The following SHANK1 variants were observed in gnomAD, a reference collection of about 807,000 sequenced individuals.
SHANK1 encodes the protein SH3 and multiple ankyrin repeat domains 1.
In SHANK1, 35 loss-of-function variants were observed where a neutral mutation model predicts 165.6. The ratio of observed to expected loss-of-function variants is 0.21; its 90% CI spans 0.16 to 0.28. The LOEUF (loss-of-function observed/expected upper bound fraction) is 0.28, where lower values mean the gene tolerates loss of function less well. Ranked by LOEUF, SHANK1 falls within the 10% of genes least tolerant of loss-of-function variation. The probability of loss-of-function intolerance (pLI) is 1.00; values close to 1 mark genes in which losing one functional copy is unlikely to be tolerated. For synonymous variants in SHANK1, 1,428 were observed against 1,384.8 expected (o/e 1.03, Z -0.69); for missense variants, 2,681 against 3,036.4 (o/e 0.88, Z 2.75).
Position 50,686,820 on chromosome 19 carries a change from C to G in SHANK1, c.2390-8G>C. 1 of 1,613,530 alleles carries G rather than the reference C, an allele frequency of 6.2e-7. No homozygotes were observed. Among genetic ancestry groups the G allele is most frequent in the Non-Finnish European group, 8.5e-7 (1 of 1,179,682 alleles). On this transcript the variant is annotated splice_region_variant and splice_polypyrimidine_tract_variant and intron_variant, in intron 19 of 23. Transcript: ENST00000293441. This position sits in a 1 kb window ranked among gnomAD's most constrained non-coding sequence, Gnocchi z 5.7. ...CCGGCTGCTGCTCGTACTCTGTGGG[C>G]AAAGAACACGGATGACGCCCAGGGA...
At chr19:50,689,039 G>T in intron 16 of SHANK1, 71 bp from the exon 17 acceptor site, 2 of 1,249,816 alleles carry the variant, frequency 1.6e-6, no homozygotes, top group Non-Finnish European at 2.3e-6. Flanking sequence ...ATGGGGCTCA[G>T]ACCCAAGTCA....
chr19:50,662,480 G>C lies in SHANK1; in HGVS notation c.5971C>G (p.Arg1991Gly), dbSNP rs200577881. 1 of 1,552,660 alleles carries C rather than the reference G, an allele frequency of 6.4e-7. No individual in the cohort carries two copies. Among genetic ancestry groups the C allele is most frequent in the Admixed American group, 1.9e-5 (1 of 51,282 alleles). The change falls in exon 24 of 24, where the codon CGG (arginine) becomes GGG (glycine). Residue 1991 changes from arginine (R) to glycine (G), a missense_variant. By Grantham distance (125) the Arg-to-Gly change is moderately radical. This residue lies in a region of SHANK1 where 1,713 missense variants were observed against 1,630.2 expected (regional missense o/e 1.05). Coordinates refer to ENST00000293441, the MANE Select transcript of SHANK1 (RefSeq NM_016148.5). The surrounding 1 kb of genome is among the most constrained non-coding windows in gnomAD (Gnocchi z 7.7). ...RHLQGVEFEM[R>G]PPLLRRAPSP... is the part of the protein sequence containing the mutation. ...GGGGCCCGGCGGAGCAGAGGGGGCC[G>C]CATCTCGAACTCCACGCCCTGGAGG...
intron 22 of SHANK1, among the ~76,000 whole-genome samples, chr19:50,671,180 C>CTTTTTTTTTTTTTTT: frequency 1.3e-5 from 1 of 76,724 alleles, no homozygotes. Flanking sequence ...TTTTTTCACT[C>CTTTTTTTTTTTTTTT]TTTTTTTTTT....
chr19:50,688,893 C>T lies in SHANK1; in HGVS notation c.2123G>A (p.Gly708Asp), dbSNP rs1381148188. The T allele has an allele frequency of 2.5e-6, 4 of 1,587,540 alleles. No individual in the cohort carries two copies. The highest frequency in any genetic ancestry group is 1.8e-5 in the Admixed American group (1 of 56,516). Residue 708 changes from glycine (G) to aspartate (D), a missense_variant, in exon 17 of 24, where the codon GGT (glycine) becomes GAT (aspartate). Transcript: ENST00000293441. This position sits in a 1 kb window ranked among gnomAD's most constrained non-coding sequence, Gnocchi z 6.7. ...CAGTCCAGCTCGCCATGCCACGCCA[C>T]CCTCGTCCACCGACTCCAGGTACTG... is the stretch of plus-strand genomic sequence containing the variant. ...ALQYLESVDE[G>D]GVAWRAGLRM...
At chr19:50,707,898 TTTCTTTTCTTTTCTTTTCTTTTC>T (rs2088961630) in intron 8 of SHANK1, among the ~76,000 whole-genome samples, 2 of 18,786 alleles carry the variant, frequency 1.1e-4, no homozygotes, top group South Asian at 2.2e-3. Context: ...TTTCTTTTCT[TTTCTTTTCTTTTCTTTTCTTTTC>T]TTTTCTTTTC....
At chr19:50,696,588 C>A (rs1653496076) in intron 15 of SHANK1, among the ~76,000 whole-genome samples, 1 of 152,086 alleles carries the variant, frequency 6.6e-6, no homozygotes, top group Non-Finnish European at 1.5e-5. Flanking sequence ...CAGCCCTGTC[C>A]TTCTGGAGGC....
In SHANK1 at chr19:50,702,360, G is replaced by T; in HGVS notation, c.1747+107C>A. The T allele has an allele frequency of 1.0e-6, 1 of 972,198 alleles. No individual in the cohort carries two copies. Among genetic ancestry groups the T allele is most frequent in the Non-Finnish European group, 1.5e-6 (1 of 666,434 alleles). The allele number at this position is 972,198 out of a possible 1,614,324, so 60.2% of individuals were successfully genotyped here. On this transcript the variant is annotated intron_variant, in intron 12 of 23. Coordinates refer to ENST00000293441, the MANE Select transcript of SHANK1 (RefSeq NM_016148.5). The surrounding 1 kb of genome is among the most constrained non-coding windows in gnomAD (Gnocchi z 5.3). ...TGGGGCTCTCTGAGGTCTCCAGAGTGCATGAGATACTCCAGGTGCCCGAGA... is the reference window on the plus strand; with the variant it reads ...TGGGGCTCTCTGAGGTCTCCAGAGTTCATGAGATACTCCAGGTGCCCGAGA...
At chr19:50,693,880 G>C (rs1986628019) in intron 15 of SHANK1, among the ~76,000 whole-genome samples, 1 of 152,144 alleles carries the variant, frequency 6.6e-6, no homozygotes, top group African/African-American at 2.4e-5. Context: ...AGGGGGCAGG[G>C]GAGAGGAGCA....
chr19:50,668,806 C>G lies in SHANK1; in HGVS notation c.3154G>C (p.Gly1052Arg). 1 of 1,269,238 alleles carries G rather than the reference C, an allele frequency of 7.9e-7. No homozygotes were observed. 78.6% of individuals were successfully genotyped at this position (1,269,238 alleles called of 1,614,324 possible). ...CCCGGGGTCGGGCTGGGCCCGCCGCCCCTCCAGCCTCGCAGGCTGGGCTGG... is the reference window on the plus strand; with the variant it reads ...CCCGGGGTCGGGCTGGGCCCGCCGCGCCTCCAGCCTCGCAGGCTGGGCTGG... ...GPQPSLRGWR[G>R]GGPSPTPGAP... Residue 1052 changes from glycine (G) to arginine (R), a missense_variant, in exon 23 of 24, where the codon GGC becomes CGC. Transcript: ENST00000293441.
Position 50,669,111 on chromosome 19 carries a change from C to G in SHANK1, c.2849G>C (p.Arg950Pro). The change falls in exon 23 of 24, where the codon CGG becomes CCG. Residue 950 changes from arginine to proline, a missense_variant. Arg to Pro is a moderately radical substitution (Grantham distance 103, BLOSUM62 -2). Around this residue, in one of 10 missense-constraint regions of SHANK1, gnomAD observed 1,713 missense variants for 1,630.2 expected, o/e 1.05. Transcript: ENST00000293441. ...AGAGCCAGGGTTGAAGGGCCCTCCC[C>G]GAGGGGAGGGGGTGAGGCGCCCTGA... is the stretch of plus-strand genomic sequence containing the variant. ...SSSGRLTPSP[R>P]GGPFNPGSGG... 1 of 1,483,926 alleles carries G rather than the reference C, an allele frequency of 6.7e-7. No homozygotes were observed. The highest frequency in any genetic ancestry group is 9.0e-7 in the Non-Finnish European group (1 of 1,115,510). The allele number at this position is 1,483,926 out of a possible 1,614,324, so 91.9% of individuals were successfully genotyped here.
Position 50,688,333 on chromosome 19 carries a change from T to C in SHANK1, c.2173-275A>G, listed in dbSNP as rs1986427096. Among the ~76,000 whole-genome samples the C allele has an allele frequency of 6.6e-6, 1 of 152,118 alleles. No individual in the cohort carries two copies. The highest frequency in any genetic ancestry group is 1.5e-5 in the Non-Finnish European group (1 of 68,028). ...TTTATTTATTTATTTACTTTTATTT[T>C]TAAAAGACAGGGTCTCTCTCTGTCA... On this transcript the variant is annotated intron_variant, in intron 17 of 23. Transcript: ENST00000293441. The surrounding 1 kb of genome is among the most constrained non-coding windows in gnomAD (Gnocchi z 6.7).
At chr19:50,703,165 A>C (rs2088890216) in intron 11 of SHANK1, among the ~76,000 whole-genome samples, 2 of 125,896 alleles carry the variant, frequency 1.6e-5, no homozygotes, top group African/African-American at 3.2e-5. Context: ...TGTCCCCCTC[A>C]AGTCCCTGCC....
Position 50,688,165 on chromosome 19 carries a change from C to T in SHANK1, c.2173-107G>A. On this transcript the variant is annotated intron_variant, in intron 17 of 23. Transcript: ENST00000293441. The surrounding 1 kb of genome is among the most constrained non-coding windows in gnomAD (Gnocchi z 6.7). ...CTCCTGCGCTGCCCTGTCCATGGCC[C>T]TCTGGGCTATGTTCCTCTCCCTCCG... 1 of 1,370,492 alleles carries T rather than the reference C, an allele frequency of 7.3e-7. No homozygotes were observed. Among genetic ancestry groups the T allele is most frequent in the East Asian group, 2.3e-5 (1 of 43,384 alleles). The allele number at this position is 1,370,492 out of a possible 1,614,324, so 84.9% of individuals were successfully genotyped here.
rs1599831791 is a variant in SHANK1 at position 50,659,603 on chromosome 19, A to C, written c.*2362T>G. Among the ~76,000 whole-genome samples the C allele has an allele frequency of 8.6e-6, 1 of 116,892 alleles. No individual in the cohort carries two copies. 76.7% of individuals were successfully genotyped at this position (116,892 alleles called of 152,430 possible). A position where few individuals can be genotyped will look rare whatever the true frequency, so the allele number is the denominator to read the frequency against. On this transcript the variant is annotated 3_prime_UTR_variant, in exon 24 of 24. Transcript: ENST00000293441. ...AAGACAATTCTCGGGCTTTTATTTC[A>C]GGTTTTTTTTCTGGATTTTTTTGTG...
chr19:50,702,411 T>A lies in SHANK1; in HGVS notation c.1747+56A>T, dbSNP rs1986946347. 2 of 1,491,608 alleles carry A rather than the reference T, an allele frequency of 1.3e-6. No individual in the cohort carries two copies. Among genetic ancestry groups the A allele is most frequent in the African/African-American group, 1.4e-5 (1 of 72,022 alleles). The allele number at this position is 1,491,608 out of a possible 1,614,324, so 92.4% of individuals were successfully genotyped here. On this transcript the variant is annotated intron_variant, in intron 12 of 23. Coordinates refer to ENST00000293441, the MANE Select transcript of SHANK1 (RefSeq NM_016148.5). This position sits in a 1 kb window ranked among gnomAD's most constrained non-coding sequence, Gnocchi z 5.3. ...ATGGTCTGCTCTCTGCTCCACATTT[T>A]CCCTGATCGCCCCCACAGCCCAGCC... is the stretch of plus-strand genomic sequence containing the variant.
intron 23 of SHANK1, 148 bp downstream of exon 23, chr19:50,666,041 AAAG>A: frequency 3.6e-6 from 2 of 555,780 alleles, no homozygotes; most frequent in Middle Eastern, 6.1e-4. Flanking sequence ...AAAAAAAGAA[AAAG>A]AAAATATTTG....
chr19:50,668,779 C>T lies in SHANK1; in HGVS notation c.3181G>A (p.Ala1061Thr), dbSNP rs540872535. 1.1e-5 allele frequency: 14 copies of T among 1,268,746 alleles called. No individual in the cohort carries two copies. The highest frequency in any genetic ancestry group is 3.0e-4 in the Middle Eastern group (1 of 3,376). 78.6% of individuals were successfully genotyped at this position (1,268,746 alleles called of 1,614,324 possible). ...RGGGPSPTPG[A>T]PSPSHHGSAG... ...CTGCCGTGGTGCGATGGGGACGGGG[C>T]CCCCGGGGTCGGGCTGGGCCCGCCG... Residue 1061 changes from alanine (A) to threonine (T), a missense_variant, in exon 23 of 24, where the codon GCC becomes ACC. Physicochemically the swap from Ala to Thr is moderately conservative, Grantham distance 58. This residue lies in a region of SHANK1 where 1,713 missense variants were observed against 1,630.2 expected (regional missense o/e 1.05). Transcript: ENST00000293441.
Position 50,717,618 on chromosome 19 carries a change from G to T in SHANK1, c.-43-656C>A, listed in dbSNP as rs951406856. 6.6e-6 allele frequency among the ~76,000 whole-genome samples: 1 copy of T among 152,186 alleles called. No homozygotes were observed. ...GTCATGGGCAGAGCATTTGGCCTAG[G>T]GTGTCCCCAAGGGAACCACAAGAGG... On this transcript the variant is annotated intron_variant, in intron 1 of 23. Transcript: ENST00000293441. This position sits in a 1 kb window ranked among gnomAD's most constrained non-coding sequence, Gnocchi z 5.5.
rs1450169136 is a variant in SHANK1, at chr19:50,711,338, T to C, written c.1077+33A>G. ...CTGGGGGAGGCGGCTATCGGGGATG[T>C]GAGGGGCCTGGGGTGGCCGCTGCTA... On this transcript the variant is annotated intron_variant, in intron 8 of 23. Transcript: ENST00000293441. 4 of 1,476,598 alleles carry C rather than the reference T, an allele frequency of 2.7e-6. No individual in the cohort carries two copies. The East Asian group carries it at 9.9e-5, about 36-fold the overall frequency. 91.5% of individuals were successfully genotyped at this position (1,476,598 alleles called of 1,614,324 possible). A position where few individuals can be genotyped will look rare whatever the true frequency, so the allele number is the denominator to read the frequency against.
Sources: gnomAD v4.1 joint callset for allele counts (sites outside exome capture counted in the v4.1 genomes callset) on GRCh38, gnomAD v4.1.1 for gene constraint, gnomAD v4.1.1 regional missense constraint, Gnocchi (gnomAD v3.1) non-coding constraint, MANE v1.5 for transcripts, NCBI Gene and HGNC (gene_info 2026-07-23, HGNC 2026-07-21) for gene names.